Variants in PSAP observed in about 807,000 individuals in gnomAD.
PSAP encodes precursor of saposins.
A neutral mutation model predicts 66.0 loss-of-function variants in PSAP; 25 were observed. The observed-to-expected ratio is 0.38, with a 90% confidence interval of 0.28 to 0.53. The LOEUF is 0.53. Ranked by LOEUF, PSAP falls within the 20% of genes least tolerant of loss-of-function variation. PSAP has a pLI of 0.83. For missense variants in PSAP, 649 were observed against 668.8 expected (o/e 0.97, Z 0.33); for synonymous variants, 273 against 258.9 (o/e 1.05, Z -0.52).
chr10:71,827,333 A>C (rs1435973230), intron 6 of PSAP, among the ~76,000 whole-genome samples: 1 of 150,878 alleles, frequency 6.6e-6, no homozygotes, highest in Non-Finnish European at 1.5e-5. Flanking sequence ...CGGGAGGCGG[A>C]GCTTGCAGTG....
At chr10:71,831,762 T>C in intron 3 of PSAP, 84 bp downstream of exon 3, 1 of 1,386,142 alleles carries the variant, frequency 7.2e-7, no homozygotes, top group Non-Finnish European at 1.0e-6. Context: ...ACCATTCCTC[T>C]TTAGACACCC....
chr10:71,826,043 C>G (rs1475502682), intron 6 of PSAP, 150 bp from the exon 7 acceptor site: 1 of 704,692 alleles, frequency 1.4e-6, no homozygotes, highest in African/African-American at 1.8e-5. Context: ...CTGCTCTGGG[C>G]CAGCTTTAAT....
At chr10:71,843,633 C>G (rs1348063811) in intron 1 of PSAP, among the ~76,000 whole-genome samples, 2 of 152,184 alleles carry the variant, frequency 1.3e-5, no homozygotes, top group African/African-American at 2.4e-5. Context: ...TAGAATTCAC[C>G]TAGCAGTTTA....
Position 71,831,773 on chromosome 10 carries a change from G to A in PSAP, c.249+73C>T, listed in dbSNP as rs11000019. On this transcript the variant is annotated intron_variant, in intron 3 of 13. Coordinates refer to ENST00000394936, the MANE Select transcript of PSAP (RefSeq NM_002778.4). ...CTACACCATTCCTCTTTAGACACCC[G>A]GAATCACAGCTCTCTTAGGAACCAG... is the stretch of plus-strand genomic sequence containing the variant. 9,778 of 1,445,678 alleles carry A rather than the reference G, an allele frequency of 6.8e-3. 455 individuals carry two copies. In the African/African-American group the frequency reaches 0.11, roughly 16 times the overall value. 89.6% of individuals were successfully genotyped at this position (1,445,678 alleles called of 1,614,324 possible).
At chr10:71,818,559 TCACA>T in intron 13 of PSAP, 54 bp downstream of exon 13, 3 of 1,445,926 alleles carry the variant, frequency 2.1e-6, no homozygotes, top group Non-Finnish European at 2.9e-6. Flanking sequence ...AGCAGGATTC[TCACA>T]CAGGCTACCC....
intron 7 of PSAP, chr10:71,822,232 A>G (rs775545129): frequency 1.5e-5 from 9 of 600,384 alleles, no homozygotes; most frequent in Non-Finnish European, 1.8e-5. Flanking sequence ...GACCACACAA[A>G]GCTCCTAAGG....
At position 71,816,495 on chromosome 10, in the gene PSAP, C is replaced by T. The variant is rs1335287617; in HGVS notation, c.*946G>A. ...CCACACCCCAGCATCCAATCCACAC[C>T]CAGCAGACCCTTCGGCATGCCGCCC... On this transcript the variant is annotated 3_prime_UTR_variant, in exon 14 of 14. Transcript: ENST00000394936. 1 of 468,360 alleles carries T rather than the reference C, an allele frequency of 2.1e-6. No individual in the cohort carries two copies. The highest frequency in any genetic ancestry group is 4.5e-6 in the Non-Finnish European group (1 of 224,556). The allele number at this position is 468,360 out of a possible 1,614,324, so 29.0% of individuals were successfully genotyped here. A position where few individuals can be genotyped will look rare whatever the true frequency, so the allele number is the denominator to read the frequency against.
In PSAP at chr10:71,816,445, G is replaced by C. The variant is rs1459703408; in HGVS notation, c.*996C>G. 1 of 471,236 alleles carries C rather than the reference G, an allele frequency of 2.1e-6. No individual in the cohort carries two copies. Among genetic ancestry groups the C allele is most frequent in the Non-Finnish European group, 4.4e-6 (1 of 227,054 alleles). The allele number at this position is 471,236 out of a possible 1,614,324, so 29.2% of individuals were successfully genotyped here. A position where few individuals can be genotyped will look rare whatever the true frequency, so the allele number is the denominator to read the frequency against. On this transcript the variant is annotated 3_prime_UTR_variant, in exon 14 of 14. Coordinates refer to ENST00000394936, the MANE Select transcript of PSAP (RefSeq NM_002778.4). Reference sequence around the variant, plus strand: ...AGTGGACAGAAGCGTGGGTGCCCAAGTGGGCCACAGACAGCTTCCAACCCC... The same window carrying C: ...AGTGGACAGAAGCGTGGGTGCCCAACTGGGCCACAGACAGCTTCCAACCCC...
At chr10:71,817,698 G>C (rs1842202013) in intron 13 of PSAP, among the ~76,000 whole-genome samples, 1 of 152,206 alleles carries the variant, frequency 6.6e-6, no homozygotes, top group South Asian at 2.1e-4. Context: ...CAGAGCAGCA[G>C]ATGCCTGCAG....
intron 8 of PSAP, among the ~76,000 whole-genome samples, 156 bp from the exon 9 acceptor site, chr10:71,820,491 C>T (rs769340748): frequency 6.6e-6 from 1 of 152,046 alleles, no homozygotes; most frequent in Non-Finnish European, 1.5e-5. Flanking sequence ...TTCTAATATC[C>T]AAGTTAATTC....
chr10:71,841,842 C>T (rs1842739142), intron 1 of PSAP, among the ~76,000 whole-genome samples: 1 of 152,064 alleles, frequency 6.6e-6, no homozygotes, highest in Non-Finnish European at 1.5e-5. Context: ...CTGGTCTCTA[C>T]TACATATATA....
chr10:71,834,276 G>T, intron 2 of PSAP, 96 bp downstream of exon 2: 1 of 1,588,838 alleles, frequency 6.3e-7, no homozygotes, highest in South Asian at 1.1e-5. Flanking sequence ...AACAAGGCAA[G>T]AAAAAGTGCT....
chr10:71,829,947 A>G (rs902084237), intron 4 of PSAP, among the ~76,000 whole-genome samples: 20 of 152,178 alleles, frequency 1.3e-4, no homozygotes, highest in African/African-American at 3.9e-4. Context: ...CTGTCAGTCA[A>G]GATCGCGCCA....
chr10:71,832,683 G>C (rs1842543072), intron 2 of PSAP, among the ~76,000 whole-genome samples: 1 of 152,072 alleles, frequency 6.6e-6, no homozygotes, highest in Non-Finnish European at 1.5e-5. Context: ...AAGTTCCACA[G>C]ACAGCCCTCA....
At position 71,817,486 on chromosome 10, in the gene PSAP, G is replaced by A. The variant is rs531023925; in HGVS notation, c.1540-10C>T. 1.6e-5 allele frequency: 26 copies of A among 1,613,978 alleles called. No individual in the cohort carries two copies. In the Admixed American group the frequency reaches 2.2e-4, roughly 13 times the overall value. ...TGCAATGCTCGACAGCCTGGTAGGAGAGAGGAAGCTGAGTTTAGTCTTCGG... is the reference window on the plus strand; with the variant it reads ...TGCAATGCTCGACAGCCTGGTAGGAAAGAGGAAGCTGAGTTTAGTCTTCGG... On this transcript the variant is annotated splice_polypyrimidine_tract_variant and intron_variant, in intron 13 of 13. Coordinates refer to ENST00000394936, the MANE Select transcript of PSAP (RefSeq NM_002778.4).
chr10:71,833,482 C>T (rs1430035105), intron 2 of PSAP, among the ~76,000 whole-genome samples: 1 of 152,192 alleles, frequency 6.6e-6, no homozygotes, highest in Admixed American at 6.5e-5. Context: ...AGTATGGCCA[C>T]AGAAGGCAGT....
chr10:71,821,726 A>T, intron 8 of PSAP, 150 bp downstream of exon 8: 1 of 1,029,950 alleles, frequency 9.7e-7, no homozygotes, highest in Non-Finnish European at 1.5e-6. Context: ...TATAGGGGAT[A>T]GGATAAACCA....
At chr10:71,830,697 G>A (rs530185600) in intron 4 of PSAP, among the ~76,000 whole-genome samples, 3 of 152,218 alleles carry the variant, frequency 2.0e-5, no homozygotes, top group South Asian at 2.1e-4. Context: ...TGTGACACAG[G>A]GTTTGTGTCT....
intron 1 of PSAP, among the ~76,000 whole-genome samples, chr10:71,837,794 G>C (rs1842654727): frequency 6.6e-6 from 1 of 152,252 alleles, no homozygotes; most frequent in African/African-American, 2.4e-5. Context: ...GACAGAAAAG[G>C]CTGGCTACGT....
Sources: gnomAD v4.1 joint callset for allele counts (sites outside exome capture counted in the v4.1 genomes callset) on GRCh38, gnomAD v4.1.1 for gene constraint, MANE v1.5 for transcripts, NCBI Gene and HGNC (gene_info 2026-07-23, HGNC 2026-07-21) for gene names.